Variants in C2CD3 observed in about 807,000 individuals in gnomAD.
C2CD3 encodes the protein C2 domain containing 3 centriole elongation regulator.
C2CD3 carries 148 observed loss-of-function variants against 234.0 expected under a neutral mutation model. That is an observed-to-expected ratio of 0.63 (90% CI 0.55 to 0.72). The LOEUF is 0.72. C2CD3 is among the 30% of genes least tolerant of loss of function. C2CD3 has a pLI of 0.00. For missense variants in C2CD3, 2,577 were observed against 2,811.5 expected (o/e 0.92, Z 1.89); for synonymous variants, 1,000 against 1,035.4 (o/e 0.97, Z 0.66).
chr11:74,041,028 T>C (rs1953023150), intron 29 of C2CD3, among the ~76,000 whole-genome samples: 1 of 150,930 alleles, frequency 6.6e-6, no homozygotes, highest in Admixed American at 6.7e-5. Flanking sequence ...CTGACAAACA[T>C]GATTATCTGA....
Position 74,103,543 on chromosome 11 carries a change from A to G in C2CD3, c.2168T>C (p.Leu723Pro), listed in dbSNP as rs755901678. 3.7e-6 allele frequency: 6 copies of G among 1,613,914 alleles called. No individual in the cohort carries two copies. The highest frequency in any genetic ancestry group is 5.1e-6 in the Non-Finnish European group (6 of 1,179,982). Residue 723 changes from leucine to proline, a missense_variant, in exon 14 of 33, where the codon CTT (leucine) becomes CCT (proline). Leu to Pro is a moderately conservative substitution (Grantham distance 98). Coordinates refer to ENST00000334126, the MANE Select transcript of C2CD3 (RefSeq NM_001286577.2). ...KLSGNTHYTP[L>P]CAPTSPNKAL... The stretch of plus-strand genomic sequence containing the variant: ...CTTATTTGGACTTGTAGGAGCACAA[A>G]GTGGGGTATAATGGGTGTTGCCACT...
Position 74,041,993 on chromosome 11 carries a change from A to G in C2CD3, c.5660+61T>C, listed in dbSNP as rs1345230172. Reference sequence around the variant, plus strand: ...TGGAAAAGCAGTAATGCACATTGCCATTTCTCATTCACCTTGTGCCCCACT... The same window carrying G: ...TGGAAAAGCAGTAATGCACATTGCCGTTTCTCATTCACCTTGTGCCCCACT... On this transcript the variant is annotated intron_variant, in intron 29 of 32. Transcript: ENST00000334126. 7.8e-6 allele frequency: 12 copies of G among 1,547,800 alleles called. No homozygotes were observed. In the East Asian group the frequency reaches 1.1e-4, roughly 14 times the overall value.
chr11:74,032,338 A>T (rs1441157418), intron 31 of C2CD3, among the ~76,000 whole-genome samples: 1 of 152,168 alleles, frequency 6.6e-6, no homozygotes, highest in Non-Finnish European at 1.5e-5. Context: ...CAGCCGTACA[A>T]TATTCCCTGC....
Position 74,100,551 on chromosome 11 carries a change from G to A in C2CD3, c.2706C>T (p.Pro902=), listed in dbSNP as rs754751183. 2 of 1,612,064 alleles carry A rather than the reference G, an allele frequency of 1.2e-6. No homozygotes were observed. Among genetic ancestry groups the A allele is most frequent in the Non-Finnish European group, 1.7e-6 (2 of 1,179,450 alleles). The part of the protein sequence containing the change: ...QDKLLGLVKL[P]LHQFYMSFKD... ...TGAATGACATGTAAAACTGGTGGAG[G>A]GGAAGTTTCACCAGCCCGAGCAGCT... The change falls in exon 15 of 33, where the codon CCC becomes CCT. Residue 902 remains proline (P), a synonymous_variant. Transcript: ENST00000334126.
intron 24 of C2CD3, among the ~76,000 whole-genome samples, chr11:74,064,933 GA>G (rs1239958991): frequency 1.3e-5 from 2 of 152,142 alleles, no homozygotes; most frequent in Non-Finnish European, 2.9e-5. Context: ...ATGGATTAAA[GA>G]CTTAAATGTT....
intron 26 of C2CD3, 68 bp downstream of exon 26, chr11:74,054,539 G>T: frequency 1.2e-5 from 8 of 691,250 alleles, no homozygotes; most frequent in East Asian, 2.9e-5. Context: ...AAAAGGAATG[G>T]TAGATTGTTA....
intron 3 of C2CD3, among the ~76,000 whole-genome samples, chr11:74,160,420 A>G (rs1856378531): frequency 6.6e-6 from 1 of 152,148 alleles, no homozygotes; most frequent in African/African-American, 2.4e-5. Context: ...AAAGAATGAA[A>G]TCCTGCTATT....
At chr11:74,047,078 T>C (rs906829073) in intron 28 of C2CD3, among the ~76,000 whole-genome samples, 8 of 152,220 alleles carry the variant, frequency 5.3e-5, no homozygotes, top group African/African-American at 1.9e-4. Context: ...TCAGGTCACA[T>C]GTAACTAGTA....
chr11:74,104,263 A>G (rs568972745), intron 13 of C2CD3, among the ~76,000 whole-genome samples: 32 of 152,352 alleles, frequency 2.1e-4, no homozygotes, highest in African/African-American at 7.7e-4. Flanking sequence ...AGATCTGACA[A>G]AATGCAATAG....
intron 3 of C2CD3, among the ~76,000 whole-genome samples, chr11:74,156,439 C>T (rs1341480209): frequency 7.9e-6 from 1 of 127,354 alleles, no homozygotes; most frequent in African/African-American, 3.2e-5. Flanking sequence ...CCAGCCTGGG[C>T]GCACAGTAAG....
chr11:74,114,672 G>A, intron 9 of C2CD3, 79 bp from the exon 10 acceptor site: 1 of 907,582 alleles, frequency 1.1e-6, no homozygotes, highest in Non-Finnish European at 1.8e-6. Flanking sequence ...CAGGCAAGAT[G>A]AGGAAAAAGG....
chr11:74,055,409 T>C (rs554928074), intron 25 of C2CD3, among the ~76,000 whole-genome samples: 2 of 152,216 alleles, frequency 1.3e-5, no homozygotes, highest in Non-Finnish European at 2.9e-5. Flanking sequence ...AGTGACAAAG[T>C]GTTGGAAAGT....
rs1054542403 is a variant in C2CD3 at position 74,033,833 on chromosome 11, G to T, written c.6327C>A (p.Gly2109=). The change falls in exon 31 of 33, where the codon GGC becomes GGA. Residue 2109 remains glycine (G), a synonymous_variant. Transcript: ENST00000334126. Reference sequence around the variant, plus strand: ...AAGGCCCTGGAGAAGGACAAGAGGGGCCTTCCCTCTGCACCTCGTCAGGCT... The same window carrying T: ...AAGGCCCTGGAGAAGGACAAGAGGGTCCTTCCCTCTGCACCTCGTCAGGCT... ...SPQPDEVQRE[G]PSCPSPGPFC... is the part of the protein sequence containing the mutation. 15 of 1,536,050 alleles carry T rather than the reference G, an allele frequency of 9.8e-6. No individual in the cohort carries two copies. The African/African-American group carries it at 1.9e-4, about 20-fold the overall frequency.
At chr11:74,045,377 T>C (rs2135425601) in intron 28 of C2CD3, among the ~76,000 whole-genome samples, 1 of 152,332 alleles carries the variant, frequency 6.6e-6, no homozygotes, top group South Asian at 2.1e-4. Flanking sequence ...GCCTATTCCA[T>C]GTGCCTTGAA....
At chr11:74,146,719 C>CAT (rs201264300) in intron 3 of C2CD3, among the ~76,000 whole-genome samples, 41,985 of 142,204 alleles carry the variant, frequency 0.3, 6,957 homozygotes, top group African/African-American at 0.51. Flanking sequence ...ACCACACACA[C>CAT]ACACACACAC....
rs1052126280 is a variant in C2CD3, at chr11:74,103,340, C to T, written c.2371G>A (p.Val791Ile). ...FVATPASHNL[V>I]NQTNGTTKES... ...TTTGTTGTCCCATTTGTCTGATTGA[C>T]TAAATTATGGGAGGCTGGCGTAGCT... The change falls in exon 14 of 33, where the codon GTC becomes ATC. Residue 791 changes from valine to isoleucine, a missense_variant. Transcript: ENST00000334126. 3 of 1,614,202 alleles carry T rather than the reference C, an allele frequency of 1.9e-6. No individual in the cohort carries two copies. Among genetic ancestry groups the T allele is most frequent in the Non-Finnish European group, 2.5e-6 (3 of 1,180,040 alleles).
chr11:74,121,608 CAAAAA>C (rs369249513), intron 8 of C2CD3, among the ~76,000 whole-genome samples: 1 of 62,184 alleles, frequency 1.6e-5, no homozygotes, highest in Non-Finnish European at 3.8e-5. Context: ...GACTCCGTCT[CAAAAA>C]AAAAAAAAAA....
intron 28 of C2CD3, 23 bp downstream of exon 28, chr11:74,048,182 C>A (rs371308232): frequency 6.2e-7 from 1 of 1,609,786 alleles, no homozygotes; most frequent in Non-Finnish European, 8.5e-7. Context: ...CCCATTTCTT[C>A]TCATCATCAA....
chr11:74,022,201 C>CAGAA (rs1952118752), intron 32 of C2CD3, among the ~76,000 whole-genome samples: 1 of 151,880 alleles, frequency 6.6e-6, no homozygotes. Flanking sequence ...TCAAAAGATG[C>CAGAA]TTAGGTGGCA....
Sources: gnomAD v4.1 joint callset for allele counts (sites outside exome capture counted in the v4.1 genomes callset) on GRCh38, gnomAD v4.1.1 for gene constraint, MANE v1.5 for transcripts, NCBI Gene and HGNC (gene_info 2026-07-23, HGNC 2026-07-21) for gene names.